DNAAF9: variants seen among roughly 807,000 people sequenced by gnomAD.
The protein encoded by DNAAF9 is shulin.
A neutral mutation model predicts 167.0 loss-of-function variants in DNAAF9; 90 were observed. The ratio of observed to expected loss-of-function variants is 0.54; its 90% CI spans 0.45 to 0.64. The LOEUF (loss-of-function observed/expected upper bound fraction) is 0.64, where lower values mean the gene tolerates loss of function less well. Among genes scored for constraint, DNAAF9 ranks in the 30% least tolerant of loss-of-function variants. The pLI is 0.00. For missense variants in DNAAF9, 1,315 were observed against 1,442.2 expected, an observed-to-expected ratio of 0.91 and a Z score of 1.43; for synonymous variants, 491 against 508.8, an observed-to-expected ratio of 0.96 and a Z score of 0.47.
chr20:3,359,675 G>A, intron 6 of DNAAF9, 82 bp from the exon 7 acceptor site: 2 of 981,496 alleles, frequency 2.0e-6, no homozygotes, highest in South Asian at 1.5e-5. Flanking sequence ...GTTCAGAAAT[G>A]ACTCTTTTGG....
intron 2 of DNAAF9, 106 bp downstream of exon 2, chr20:3,382,321 C>G (rs1375204630): frequency 2.4e-6 from 2 of 838,034 alleles, no homozygotes; most frequent in Non-Finnish European, 4.0e-6. Flanking sequence ...TAGGAGGACA[C>G]CAACTCACAG....
At chr20:3,401,700 G>C (rs1290407438) in intron 1 of DNAAF9, among the ~76,000 whole-genome samples, 1 of 152,180 alleles carries the variant, frequency 6.6e-6, no homozygotes, top group Non-Finnish European at 1.5e-5. Flanking sequence ...AATCTAAGCA[G>C]CAAGGGAAAC....
rs369603473 is a variant in DNAAF9 at position 3,356,890 on chromosome 20, T to C, written c.690+2626A>G. Among the ~76,000 whole-genome samples, 51 of 151,384 alleles carry C rather than the reference T, an allele frequency of 3.4e-4. 1 individual carries two copies. The South Asian group carries it at 0.01, about 30-fold the overall frequency. ...AGGAAAGAATAACCACTGTCAACTA[T>C]AACAAGGGCATGAAGGGAAAAAAAA... is the stretch of plus-strand genomic sequence containing the variant. On this transcript the variant is annotated intron_variant, in intron 7 of 36. Transcript: ENST00000252032.
intron 17 of DNAAF9, 122 bp from the exon 18 acceptor site, chr20:3,316,915 G>A (rs2069512692): frequency 3.1e-5 from 15 of 478,300 alleles, no homozygotes; most frequent in Admixed American, 4.3e-5. Flanking sequence ...TTTTTTTTGA[G>A]ACAGAATCTT....
At chr20:3,385,401 T>C (rs534818620) in intron 1 of DNAAF9, among the ~76,000 whole-genome samples, 53 of 152,202 alleles carry the variant, frequency 3.5e-4, no homozygotes, top group African/African-American at 1.2e-3. Flanking sequence ...AGATACAAGA[T>C]CAACATATAA....
intron 10 of DNAAF9, among the ~76,000 whole-genome samples, chr20:3,336,252 G>GTT (rs1178750984): frequency 0.054 from 4,305 of 80,370 alleles, 378 homozygotes; most frequent in African/African-American, 0.14. Context: ...ACAGTTTTGC[G>GTT]TTTTTGTTTT....
intron 9 of DNAAF9, 171 bp from the exon 10 acceptor site, chr20:3,340,810 C>T (rs2070070246): frequency 3.2e-6 from 2 of 616,994 alleles, no homozygotes; most frequent in Middle Eastern, 2.8e-4. Context: ...CGGATGCCAG[C>T]TGTCTCCCTA....
intron 1 of DNAAF9, among the ~76,000 whole-genome samples, chr20:3,401,194 C>G (rs930652669): frequency 6.6e-6 from 1 of 152,070 alleles, no homozygotes; most frequent in Non-Finnish European, 1.5e-5. Flanking sequence ...GTATCACTAT[C>G]ATGAATCACT....
intron 13 of DNAAF9, among the ~76,000 whole-genome samples, chr20:3,325,497 C>A (rs1373823984): frequency 6.6e-6 from 1 of 152,198 alleles, no homozygotes; most frequent in African/African-American, 2.4e-5. Flanking sequence ...GAGTCAGTAC[C>A]AGGGATACAA....
chr20:3,348,397 C>T (rs1395800076), intron 8 of DNAAF9, 128 bp downstream of exon 8: 8 of 514,286 alleles, frequency 1.6e-5, no homozygotes, highest in Non-Finnish European at 2.7e-5. Context: ...TTATGGTATA[C>T]AACACAGCTT....
At chr20:3,391,510 C>T (rs1219479609) in intron 1 of DNAAF9, among the ~76,000 whole-genome samples, 1 of 151,348 alleles carries the variant, frequency 6.6e-6, no homozygotes, top group Admixed American at 6.6e-5. Flanking sequence ...CTAAAGTCAT[C>T]ATTGATCCTC....
At chr20:3,387,404 T>C (rs1028880114) in intron 1 of DNAAF9, among the ~76,000 whole-genome samples, 18 of 152,188 alleles carry the variant, frequency 1.2e-4, no homozygotes, top group African/African-American at 3.6e-4. Context: ...TCAATAAGAA[T>C]AGTCTTTCAA....
chr20:3,254,349 G>A lies in DNAAF9; in HGVS notation c.3328-530C>T, dbSNP rs571809562. Among the ~76,000 whole-genome samples the A allele has an allele frequency of 2.8e-3, 419 of 152,270 alleles. 1 individual carries two copies. The highest frequency in any genetic ancestry group is 9.5e-3 in the African/African-American group (394 of 41,544). ...CCACCTCAGCCTCCCAAAGTGCTGG[G>A]ATTACAGGCGTGAGCCACCATGCCC... On this transcript the variant is annotated intron_variant, in intron 35 of 36. Coordinates refer to ENST00000252032, the MANE Select transcript of DNAAF9 (RefSeq NM_001009984.3).
At chr20:3,285,057 T>C (rs1275813698) in intron 27 of DNAAF9, among the ~76,000 whole-genome samples, 1 of 152,154 alleles carries the variant, frequency 6.6e-6, no homozygotes, top group Non-Finnish European at 1.5e-5. Context: ...CACTAATCTG[T>C]CCTCCATTTC....
In DNAAF9 at chr20:3,297,991, A is replaced by C; in HGVS notation, c.1929+38T>G. ...CATTTAAATTGCTAGGGGGAAAAAAAAGTAGTAGTAGTTTTGCTGAATAAT... is the reference window on the plus strand; with the variant it reads ...CATTTAAATTGCTAGGGGGAAAAAACAGTAGTAGTAGTTTTGCTGAATAAT... On this transcript the variant is annotated intron_variant, in intron 22 of 36. Transcript: ENST00000252032. 1.9e-6 allele frequency: 3 copies of C among 1,547,618 alleles called. No individual in the cohort carries two copies. In the East Asian group the frequency reaches 6.7e-5, roughly 35 times the overall value.
rs768015292 is a variant in DNAAF9 at position 3,322,608 on chromosome 20, TA to T, written c.1310+43del. Reference sequence around the variant, plus strand: ...GCAGCCTCCCCTCTCTTTATCTTCCTAAAACTTGCTCCATGTAAGGATGCAC... The same window carrying T: ...GCAGCCTCCCCTCTCTTTATCTTCCTAAACTTGCTCCATGTAAGGATGCAC... On this transcript the variant is annotated intron_variant, in intron 15 of 36. Transcript: ENST00000252032. 2.0e-6 allele frequency: 3 copies of T among 1,471,192 alleles called. No homozygotes were observed. In the African/African-American group the frequency reaches 4.2e-5, roughly 20 times the overall value. The allele number at this position is 1,471,192 out of a possible 1,614,324, so 91.1% of individuals were successfully genotyped here.
intron 7 of DNAAF9, among the ~76,000 whole-genome samples, chr20:3,349,053 TA>T: frequency 6.6e-6 from 1 of 151,960 alleles, no homozygotes; most frequent in East Asian, 1.9e-4. Context: ...ATACTCCAAA[TA>T]AAGCCATTTA....
intron 1 of DNAAF9, chr20:3,384,202 T>C (rs1156435111): frequency 2.6e-5 from 4 of 152,238 alleles, no homozygotes; most frequent in Non-Finnish European, 2.9e-5. Context: ...TTCCATGTGA[T>C]ATCAAAACTA....
chr20:3,314,749 C>T (rs939818107), intron 20 of DNAAF9, among the ~76,000 whole-genome samples: 2 of 152,152 alleles, frequency 1.3e-5, no homozygotes, highest in African/African-American at 4.8e-5. Context: ...CTGTTTAGGT[C>T]CACAAATTCT....
Sources: allele counts gnomAD v4.1 joint callset (sites outside exome capture counted in the v4.1 genomes callset), GRCh38; gene constraint gnomAD v4.1.1; transcripts MANE v1.5; gene names NCBI Gene and HGNC (gene_info 2026-07-23, HGNC 2026-07-21).